ANO7: variants seen among roughly 807,000 people sequenced by gnomAD.
ANO7 encodes anoctamin-7.
A neutral mutation model predicts 115.8 loss-of-function variants in ANO7; 114 were observed. The ratio of observed to expected loss-of-function variants is 0.98; its 90% confidence interval spans 0.85 to 1.15. ANO7 has a LOEUF of 1.15. Ranked by LOEUF, ANO7 falls within the 50% of genes most tolerant of loss-of-function variation. The pLI is 0.00. For synonymous variants in ANO7, 550 were observed against 498.2 expected, an observed-to-expected ratio of 1.10 and a Z score of -1.38; for missense variants, 1,302 against 1,201.2, an observed-to-expected ratio of 1.08 and a Z score of -1.24.
intron 3 of ANO7, among the ~76,000 whole-genome samples, chr2:241,193,281 G>A (rs2068247516): frequency 6.6e-6 from 1 of 152,042 alleles, no homozygotes; most frequent in Admixed American, 6.6e-5. Context: ...TGTTGGTTGG[G>A]CAGGTCTTGA....
At chr2:241,194,526 G>A (rs34021055) in intron 3 of ANO7, among the ~76,000 whole-genome samples, 20,062 of 151,706 alleles carry the variant, frequency 0.13, 2,965 homozygotes, top group African/African-American at 0.34. Context: ...CACCGTGTTA[G>A]CCAGGATGGT....
At chr2:241,191,054 T>C in intron 2 of ANO7, 140 bp from the exon 3 acceptor site, 1 of 945,470 alleles carries the variant, frequency 1.1e-6, no homozygotes, top group South Asian at 1.5e-5. Flanking sequence ...CGCCGAACAT[T>C]CTTCTGTGGT....
chr2:241,233,703 G>T, the ANO7 span: 2 of 1,102,454 alleles, frequency 1.8e-6, no homozygotes, highest in Non-Finnish European at 1.3e-6. The surrounding 1 kb of genome is among the most constrained non-coding windows in gnomAD (Gnocchi z 4.3). Context: ...TGAGAGACTT[G>T]CCACTCTCAA....
At chr2:241,189,134 C>T (rs973063785) in intron 1 of ANO7, among the ~76,000 whole-genome samples, 2 of 152,148 alleles carry the variant, frequency 1.3e-5, no homozygotes, top group African/African-American at 2.4e-5. Flanking sequence ...GGCCGAAACT[C>T]CTCGGGGACT....
intron 4 of ANO7, among the ~76,000 whole-genome samples, chr2:241,197,161 G>A (rs985800484): frequency 2.0e-5 from 3 of 152,044 alleles, no homozygotes; most frequent in Non-Finnish European, 4.4e-5. Context: ...GTGCAATGGC[G>A]AGATCTTGGC....
At chr2:241,236,396 G>C in the ANO7 span, 1 of 578,628 alleles carries the variant, frequency 1.7e-6, no homozygotes, top group Non-Finnish European at 3.1e-6. Context: ...TCCCAGAAAG[G>C]GGCTATAGAA....
chr2:241,233,642 C>A, the ANO7 span, among the ~76,000 whole-genome samples: 1 of 152,170 alleles, frequency 6.6e-6, no homozygotes, highest in Non-Finnish European at 1.5e-5. This position sits in a 1 kb window ranked among gnomAD's most constrained non-coding sequence, Gnocchi z 4.3. Context: ...AGACCTCACC[C>A]ATCTGGCAAG....
At chr2:241,235,541 G>A in the ANO7 span, 56 of 1,614,044 alleles carry the variant, frequency 3.5e-5, no homozygotes, top group East Asian at 1.0e-3. Context: ...GCCCAATAAC[G>A]TAACGGTGAA....
the ANO7 span, among the ~76,000 whole-genome samples, chr2:241,237,001 T>C: frequency 8.3e-5 from 10 of 121,114 alleles, 1 homozygote; most frequent in Non-Finnish European, 1.5e-4. Context: ...GGGGCGGCAA[T>C]GAAGGCTTTG....
rs4675979 is a variant in ANO7, at chr2:241,225,142, G to T, written c.*989G>T. ...CTTGCTACCCCGCAGCAATCCCAGT[G>T]TGGCCGTCTGCTTGCTAAAAAATGG... On this transcript the variant is annotated 3_prime_UTR_variant, in exon 25 of 25. Transcript: ENST00000674324. 5,018 of 152,276 alleles carry T rather than the reference G, an allele frequency of 0.033. 499 individuals carry two copies. The highest frequency in any genetic ancestry group is 0.19 in the Admixed American group (2,879 of 15,282). 9.4% of individuals were successfully genotyped at this position (152,276 alleles called of 1,614,324 possible).
chr2:241,197,651 C>CTTTTT (rs397869408), intron 4 of ANO7, among the ~76,000 whole-genome samples: 1 of 135,066 alleles, frequency 7.4e-6, no homozygotes, highest in Non-Finnish European at 1.6e-5. Flanking sequence ...GTCACCTGCC[C>CTTTTT]TTTTTTTTTT....
rs768273762 is a variant in ANO7 at position 241,214,886 on chromosome 2, C to T, written c.1810C>T (p.Gln604Ter). 3 of 1,612,662 alleles carry T rather than the reference C, an allele frequency of 1.9e-6. No homozygotes were observed. The highest frequency in any genetic ancestry group is 2.5e-6 in the Non-Finnish European group (3 of 1,179,906). The change falls in exon 18 of 25, where the codon CAG (glutamine) becomes TAG (stop). Residue 604 changes from glutamine to a stop codon, truncating the protein, a stop_gained. Transcript: ENST00000674324. LOFTEE classifies it high-confidence loss of function. ...GGGCAAGCAGGTCATCAACAACATG[C>T]AGGAGGTCCTCATCCCGTGAGTCCC... is the stretch of plus-strand genomic sequence containing the variant. Reference protein sequence around the residue: ...MVGKQVINNMQEVLIPKLKGW... With the variant: ...MVGKQVINNM
chr2:241,239,611 A>T, the ANO7 span: 1 of 1,613,916 alleles, frequency 6.2e-7, no homozygotes, highest in African/African-American at 1.3e-5. This position sits in a 1 kb window ranked among gnomAD's most constrained non-coding sequence, Gnocchi z 4.6. Context: ...CCAGGTCCTC[A>T]ATGATCTCCT....
At chr2:241,218,433 A>T in intron 21 of ANO7, 52 bp downstream of exon 21, 1 of 1,163,520 alleles carries the variant, frequency 8.6e-7, no homozygotes, top group Non-Finnish European at 1.1e-6. Context: ...GACGAGGCGG[A>T]GCGGGGCTCG....
Position 241,209,584 on chromosome 2 carries a change from G to C in ANO7, c.1308G>C (p.Glu436Asp). ...ITGEDEPYFP[E>D]RSRARRMLAG... is the part of the protein sequence containing the mutation. ...GTGAGGACGAGCCCTACTTCCCTGA[G>C]AGGAGCCGCGCGCGCCGCATGCTGG... The change falls in exon 13 of 25, where the codon GAG (glutamate) becomes GAC (aspartate). Residue 436 changes from glutamate to aspartate, a missense_variant. Glu to Asp is a conservative substitution (Grantham distance 45, BLOSUM62 2). Coordinates refer to ENST00000674324, the MANE Select transcript of ANO7 (RefSeq NM_001370694.2). 1 of 1,603,100 alleles carries C rather than the reference G, an allele frequency of 6.2e-7. No homozygotes were observed. Among genetic ancestry groups the C allele is most frequent in the Non-Finnish European group, 8.5e-7 (1 of 1,175,544 alleles).
chr2:241,229,784 G>GGGCCCCCCCCCCCC, downstream of ANO7: 2 of 1,502,544 alleles, frequency 1.3e-6, no homozygotes, highest in Non-Finnish European at 1.8e-6. Flanking sequence ...AAGCCCGCCT[G>GGGCCCCCCCCCCCC]CCCGCCCACC....
downstream of ANO7, among the ~76,000 whole-genome samples, chr2:241,226,015 A>G (rs2149285932): frequency 6.6e-6 from 1 of 152,262 alleles, no homozygotes; most frequent in South Asian, 2.1e-4. Context: ...GAAAATGCTC[A>G]GTTCATACAG....
At chr2:241,237,443 T>C in the ANO7 span, among the ~76,000 whole-genome samples, 1 of 151,988 alleles carries the variant, frequency 6.6e-6, no homozygotes, top group Admixed American at 6.6e-5. Context: ...ACAATAATTA[T>C]CACTAAGACA....
At chr2:241,200,509 C>T (rs947311925) in intron 6 of ANO7, among the ~76,000 whole-genome samples, 11 of 152,354 alleles carry the variant, frequency 7.2e-5, no homozygotes, top group Admixed American at 3.9e-4. Flanking sequence ...TGGGGCGGCG[C>T]GGTACCTGCT....
Sources: gnomAD v4.1 joint callset for allele counts (sites outside exome capture counted in the v4.1 genomes callset) on GRCh38, gnomAD v4.1.1 for gene constraint, Gnocchi (gnomAD v3.1) non-coding constraint, MANE v1.5 for transcripts, NCBI Gene and HGNC (gene_info 2026-07-23, HGNC 2026-07-21) for gene names.